PRKAG2: variants seen among roughly 807,000 people sequenced by gnomAD.
PRKAG2 encodes the protein 5'-AMP-activated protein kinase subunit gamma-2.
In PRKAG2, 26 loss-of-function variants were observed where a neutral mutation model predicts 69.6. That is an observed-to-expected ratio of 0.37 (90% CI 0.27 to 0.52). The LOEUF (loss-of-function observed/expected upper bound fraction) is 0.52. Ranked by LOEUF, PRKAG2 falls within the 20% of genes least tolerant of loss-of-function variation. The pLI is 0.90. For missense variants in PRKAG2, 557 were observed against 740.0 expected (o/e 0.75, Z 2.87); for synonymous variants, 293 against 285.0 (o/e 1.03, Z -0.28).
At chr7:151,644,827 C>T (rs1827294495) in intron 4 of PRKAG2, among the ~76,000 whole-genome samples, 1 of 152,144 alleles carries the variant, frequency 6.6e-6, no homozygotes, top group South Asian at 2.1e-4. Flanking sequence ...TGCTTCATGT[C>T]CTCATCAATG....
At chr7:151,746,433 A>G (rs2074288215) in intron 3 of PRKAG2, among the ~76,000 whole-genome samples, 1 of 152,268 alleles carries the variant, frequency 6.6e-6, no homozygotes, top group African/African-American at 2.4e-5. Context: ...ACCCATTGGC[A>G]TGCAATTCTG....
chr7:151,791,123 G>A (rs937263675), intron 1 of PRKAG2, among the ~76,000 whole-genome samples: 2 of 152,178 alleles, frequency 1.3e-5, no homozygotes, highest in Non-Finnish European at 2.9e-5. Context: ...TGGCACAGAT[G>A]GCAGGCTTTG....
intron 3 of PRKAG2, among the ~76,000 whole-genome samples, chr7:151,746,608 A>T (rs1367909751): frequency 6.6e-6 from 1 of 152,258 alleles, no homozygotes; most frequent in Non-Finnish European, 1.5e-5. Context: ...GCCTCTCAGG[A>T]GCTCCACTAG....
At chr7:151,728,805 G>A (rs1389713052) in intron 3 of PRKAG2, among the ~76,000 whole-genome samples, 2 of 152,078 alleles carry the variant, frequency 1.3e-5, no homozygotes, top group African/African-American at 4.8e-5. Flanking sequence ...CACGCACCTC[G>A]CTGACACCCC....
In PRKAG2 at chr7:151,677,747, G is replaced by A. The variant is rs530229114; in HGVS notation, c.467-2110C>T. 2.2e-4 allele frequency among the ~76,000 whole-genome samples: 33 copies of A among 152,304 alleles called. No homozygotes were observed. In the Middle Eastern group the frequency reaches 0.024, roughly 110 times the overall value. On this transcript the variant is annotated intron_variant, in intron 3 of 15. Coordinates refer to ENST00000287878, the MANE Select transcript of PRKAG2 (RefSeq NM_016203.4). ...AACTGTTCCAACCGTGTTCAAGTAA[G>A]ACAAATGCTGAGCTGTAACCAATCC...
chr7:151,730,836 G>A (rs1798814917), intron 3 of PRKAG2, among the ~76,000 whole-genome samples: 1 of 152,212 alleles, frequency 6.6e-6, no homozygotes, highest in Non-Finnish European at 1.5e-5. Context: ...CAGGAAGGAT[G>A]CTGGCGTTCT....
chr7:151,790,458 C>G (rs1456820691), intron 1 of PRKAG2: 1 of 152,256 alleles, frequency 6.6e-6, no homozygotes, highest in African/African-American at 2.4e-5. Context: ...ATTTCTCTAA[C>G]TAGACTTTGA....
chr7:151,778,375 C>T (rs1360894456), intron 3 of PRKAG2, among the ~76,000 whole-genome samples: 1 of 152,174 alleles, frequency 6.6e-6, no homozygotes, highest in Non-Finnish European at 1.5e-5. Flanking sequence ...CTGTGCCCTC[C>T]CCAGAAGCAG....
intron 1 of PRKAG2, among the ~76,000 whole-genome samples, chr7:151,843,341 T>C (rs1292947140): frequency 6.6e-6 from 1 of 152,180 alleles, no homozygotes; most frequent in Admixed American, 6.5e-5. Flanking sequence ...ATTCTAGTTC[T>C]GTGGTTTCTG....
intron 4 of PRKAG2, among the ~76,000 whole-genome samples, chr7:151,644,151 A>G (rs1827191088): frequency 1.3e-5 from 2 of 152,212 alleles, no homozygotes; most frequent in African/African-American, 2.4e-5. Flanking sequence ...CGGGTGATGG[A>G]TGCACCAGGA....
At chr7:151,745,720 A>C (rs1245558353) in intron 3 of PRKAG2, among the ~76,000 whole-genome samples, 1 of 152,170 alleles carries the variant, frequency 6.6e-6, no homozygotes, top group African/African-American at 2.4e-5. Context: ...AAAGGTGAAA[A>C]ACGATAGCAA....
At chr7:151,838,777 G>A (rs912822842) in intron 1 of PRKAG2, among the ~76,000 whole-genome samples, 6 of 151,652 alleles carry the variant, frequency 4.0e-5, no homozygotes, top group Admixed American at 6.6e-5. Context: ...CACTTTGGGC[G>A]GCTGAGACAG....
intron 4 of PRKAG2, among the ~76,000 whole-genome samples, chr7:151,668,789 C>T (rs572085352): frequency 6.6e-6 from 1 of 152,326 alleles, no homozygotes; most frequent in East Asian, 1.9e-4. Flanking sequence ...TTCTCTCACC[C>T]TCTTACAGGT....
intron 1 of PRKAG2, among the ~76,000 whole-genome samples, chr7:151,808,072 G>C (rs1203020374): frequency 6.6e-6 from 1 of 152,094 alleles, no homozygotes; most frequent in African/African-American, 2.4e-5. Flanking sequence ...GAGGAACCCC[G>C]GCCACAGCGG....
rs1808974155 is a variant in PRKAG2 at position 151,576,525 on chromosome 7, AG to A, written c.865-74del. On this transcript the variant is annotated intron_variant, in intron 6 of 15. Transcript: ENST00000287878. ...AAAAATACCTTTTTTTTTTGAGACA[AG>A]GTTTCACTCTGTTGCCCAGGCTGGA... is the stretch of plus-strand genomic sequence containing the variant. 1 of 1,327,292 alleles carries A rather than the reference AG, an allele frequency of 7.5e-7. No homozygotes were observed. Among genetic ancestry groups the A allele is most frequent in the African/African-American group, 1.5e-5 (1 of 68,614 alleles). The allele number at this position is 1,327,292 out of a possible 1,614,324, so 82.2% of individuals were successfully genotyped here.
chr7:151,731,743 G>A (rs1369298507), intron 3 of PRKAG2, among the ~76,000 whole-genome samples: 2 of 152,200 alleles, frequency 1.3e-5, no homozygotes, highest in Admixed American at 1.3e-4. Context: ...CAACAGCCTA[G>A]GTGGGCTTCC....
chr7:151,632,126 C>T lies in PRKAG2; in HGVS notation c.697G>A (p.Ala233Thr). 1 of 1,404,380 alleles carries T rather than the reference C, an allele frequency of 7.1e-7. No individual in the cohort carries two copies. The allele number at this position is 1,404,380 out of a possible 1,614,324, so 87.0% of individuals were successfully genotyped here. Residue 233 changes from alanine (A) to threonine (T), a missense_variant, in exon 5 of 16, where the codon GCG becomes ACG. By Grantham distance (58) the Ala-to-Thr change is moderately conservative. Coordinates refer to ENST00000287878, the MANE Select transcript of PRKAG2 (RefSeq NM_016203.4). The surrounding 1 kb of genome is among the most constrained non-coding windows in gnomAD (Gnocchi z 4.2). ...CCGGCTTCCGCGGGTCCCAGGGCCG[C>T]CGCCAGCGCCGCCTGAGGGGGAGGA... is the stretch of plus-strand genomic sequence containing the variant. ...YAPSKAAALA[A>T]ALGPAEAGML...
chr7:151,718,605 C>A (rs1222493433), intron 3 of PRKAG2, among the ~76,000 whole-genome samples: 1 of 130,102 alleles, frequency 7.7e-6, no homozygotes, highest in African/African-American at 3.3e-5. Flanking sequence ...ATGAAGTCCC[C>A]AGGATGCAAA....
chr7:151,603,023 G>C (rs1283875736), intron 5 of PRKAG2, among the ~76,000 whole-genome samples: 2 of 152,206 alleles, frequency 1.3e-5, no homozygotes, highest in Non-Finnish European at 2.9e-5. Flanking sequence ...ATTTAAAGCA[G>C]TGTGAGAACA....
Sources: allele counts gnomAD v4.1 joint callset (sites outside exome capture counted in the v4.1 genomes callset), GRCh38; gene constraint gnomAD v4.1.1; non-coding constraint Gnocchi (gnomAD v3.1); transcripts MANE v1.5; gene names NCBI Gene and HGNC (gene_info 2026-07-23, HGNC 2026-07-21).